SLC44A1: variants seen among roughly 807,000 people sequenced by gnomAD.
SLC44A1 encodes choline transporter-like protein 1.
A neutral mutation model predicts 79.3 loss-of-function variants in SLC44A1; 26 were observed. The observed-to-expected ratio is 0.33, with a 90% confidence interval of 0.24 to 0.46. The LOEUF is 0.46. SLC44A1 is among the 20% of genes least tolerant of loss of function. SLC44A1 has a pLI of 1.00. For synonymous variants in SLC44A1, 263 were observed against 286.2 expected, an observed-to-expected ratio of 0.92 and a Z score of 0.82; for missense variants, 688 against 798.1, an observed-to-expected ratio of 0.86 and a Z score of 1.66.
intron 10 of SLC44A1, 75 bp downstream of exon 10, chr9:105,364,795 C>A: frequency 9.0e-7 from 1 of 1,115,786 alleles, no homozygotes; most frequent in South Asian, 1.5e-5. Context: ...GGAAGGGAAT[C>A]AGACTGGGGC....
chr9:105,250,129 G>T (rs1165009628), intron 1 of SLC44A1, among the ~76,000 whole-genome samples: 1 of 151,958 alleles, frequency 6.6e-6, no homozygotes, highest in Non-Finnish European at 1.5e-5. Context: ...TCCTGCCTTG[G>T]CCTCCCAAAG....
intron 15 of SLC44A1, chr9:105,386,849 C>T (rs1828638328): frequency 7.4e-6 from 1 of 134,360 alleles, no homozygotes; most frequent in Admixed American, 8.1e-5. Flanking sequence ...ACGGTGAAAC[C>T]CTGTCTCTAC....
At chr9:105,266,205 G>A (rs544997030) in intron 1 of SLC44A1, among the ~76,000 whole-genome samples, 1 of 152,068 alleles carries the variant, frequency 6.6e-6, no homozygotes, top group South Asian at 2.1e-4. Context: ...GGCCTCAACC[G>A]ATCCTCCTTT....
chr9:105,371,587 C>A (rs1024560746), intron 12 of SLC44A1, among the ~76,000 whole-genome samples: 1 of 151,750 alleles, frequency 6.6e-6, no homozygotes, highest in African/African-American at 2.4e-5. Flanking sequence ...AAAAATTAGC[C>A]GGGTGCCTGT....
intron 6 of SLC44A1, among the ~76,000 whole-genome samples, chr9:105,356,746 C>G (rs1827635456): frequency 6.6e-6 from 1 of 152,064 alleles, no homozygotes; most frequent in Non-Finnish European, 1.5e-5. Context: ...GCGACATATT[C>G]TCTTATATAT....
chr9:105,261,270 G>A (rs1184214596), intron 1 of SLC44A1, among the ~76,000 whole-genome samples: 2 of 152,158 alleles, frequency 1.3e-5, no homozygotes, highest in African/African-American at 2.4e-5. Context: ...AGCACTGGAC[G>A]ATAGATTTAT....
Position 105,394,820 on chromosome 9 carries a change from C to T in SLC44A1, c.*5764C>T, listed in dbSNP as rs1398041944. ...AGATGTTTTTTCTTCCTGCATAAAT[C>T]ACGGAGGTGTGTTCTGTTTTAGTGT... On this transcript the variant is annotated 3_prime_UTR_variant, in exon 16 of 16. Transcript: ENST00000374720. The T allele has an allele frequency of 1.0e-6, 1 of 985,260 alleles. No homozygotes were observed. Among genetic ancestry groups the T allele is most frequent in the Non-Finnish European group, 1.2e-6 (1 of 829,924 alleles). 61.0% of individuals were successfully genotyped at this position (985,260 alleles called of 1,614,324 possible). A position where few individuals can be genotyped will look rare whatever the true frequency, so the allele number is the denominator to read the frequency against.
chr9:105,336,118 A>ATGTGTG (rs935027366), intron 4 of SLC44A1, among the ~76,000 whole-genome samples: 1 of 147,438 alleles, frequency 6.8e-6, no homozygotes, highest in Non-Finnish European at 1.5e-5. Flanking sequence ...ATACATACAT[A>ATGTGTG]TGTGTGTGTG....
Position 105,358,517 on chromosome 9 carries a change from A to G in SLC44A1, c.760+84A>G, listed in dbSNP as rs964465314. ...AGAAATATAAAGAAGAAAATAAATT[A>G]TATTTTCACAAGCTATATCCTCAAG... On this transcript the variant is annotated intron_variant, in intron 7 of 15. Transcript: ENST00000374720. The G allele has an allele frequency of 8.8e-6, 7 of 791,042 alleles. No homozygotes were observed. The African/African-American group carries it at 1.1e-4, about 12-fold the overall frequency. The allele number at this position is 791,042 out of a possible 1,614,324, so 49.0% of individuals were successfully genotyped here. A position where few individuals can be genotyped will look rare whatever the true frequency, so the allele number is the denominator to read the frequency against.
intron 12 of SLC44A1, among the ~76,000 whole-genome samples, chr9:105,373,762 A>C (rs73512081): frequency 1.3e-5 from 2 of 152,192 alleles, no homozygotes; most frequent in African/African-American, 4.8e-5. Context: ...TCTTCTCATT[A>C]TGTTAGCGAA....
In SLC44A1 at chr9:105,389,339, G is replaced by A; in HGVS notation, c.*283G>A. On this transcript the variant is annotated 3_prime_UTR_variant, in exon 16 of 16. Coordinates refer to ENST00000374720, the MANE Select transcript of SLC44A1 (RefSeq NM_080546.5). ...GTTTTCAACTGTAATTGTCTTAATGGAAATGTTAAAATTCATATCTGATTA... is the reference window on the plus strand; with the variant it reads ...GTTTTCAACTGTAATTGTCTTAATGAAAATGTTAAAATTCATATCTGATTA... 8.8e-7 allele frequency: 1 copy of A among 1,138,294 alleles called. No homozygotes were observed. The highest frequency in any genetic ancestry group is 1.1e-6 in the Non-Finnish European group (1 of 928,942). 70.5% of individuals were successfully genotyped at this position (1,138,294 alleles called of 1,614,324 possible).
rs556502972 is a variant in SLC44A1 at position 105,354,039 on chromosome 9, C to CTTTTTTTTTTTTT, written c.501-2156_501-2144dup. Among the ~76,000 whole-genome samples, 68 of 98,486 alleles carry CTTTTTTTTTTTTT rather than the reference C, an allele frequency of 6.9e-4. 3 individuals carry two copies. The highest frequency in any genetic ancestry group is 3.2e-3 in the African/African-American group (64 of 19,766). The allele number at this position is 98,486 out of a possible 152,430, so 64.6% of individuals were successfully genotyped here. On this transcript the variant is annotated intron_variant, in intron 5 of 15. Coordinates refer to ENST00000374720, the MANE Select transcript of SLC44A1 (RefSeq NM_080546.5). ...TTGACTTAGAAATTTACAGTTAATCCTTTTTTTTTTTTTTTTTTTTTTTTT... is the reference window on the plus strand; with the variant it reads ...TTGACTTAGAAATTTACAGTTAATCCTTTTTTTTTTTTTTTTTTTTTTTTTTTTTTTTTTTTTT...
At position 105,390,027 on chromosome 9, in the gene SLC44A1, A is replaced by T; in HGVS notation, c.*971A>T. 2 of 1,359,198 alleles carry T rather than the reference A, an allele frequency of 1.5e-6. No homozygotes were observed. The highest frequency in any genetic ancestry group is 3.6e-5 in the Admixed American group (1 of 28,058). 84.2% of individuals were successfully genotyped at this position (1,359,198 alleles called of 1,614,324 possible). On this transcript the variant is annotated 3_prime_UTR_variant, in exon 16 of 16. Transcript: ENST00000374720. ...TGGCTTAGGGTTAAACGGCCATTTT[A>T]TTCAAATGCTTGCTATACAATCTGA...
At chr9:105,320,426 GTTTAAC>G (rs919599882) in intron 3 of SLC44A1, among the ~76,000 whole-genome samples, 3 of 151,132 alleles carry the variant, frequency 2.0e-5, no homozygotes, top group Admixed American at 6.6e-5. Context: ...TGGTGAGGAT[GTTTAAC>G]TTTATAAGAA....
intron 1 of SLC44A1, among the ~76,000 whole-genome samples, chr9:105,287,024 G>A (rs900405504): frequency 6.6e-6 from 1 of 152,132 alleles, no homozygotes; most frequent in African/African-American, 2.4e-5. Context: ...CCAGAGACAA[G>A]GAAGGTAAAT....
At chr9:105,305,819 A>T (rs960086600) in intron 2 of SLC44A1, among the ~76,000 whole-genome samples, 1 of 145,902 alleles carries the variant, frequency 6.9e-6, no homozygotes, top group Non-Finnish European at 1.5e-5. Flanking sequence ...AAATTCAAAC[A>T]TGCTTGTGAA....
At position 105,389,169 on chromosome 9, in the gene SLC44A1, G is replaced by T; in HGVS notation, c.*113G>T. The T allele has an allele frequency of 6.9e-7, 1 of 1,456,352 alleles. No homozygotes were observed. The highest frequency in any genetic ancestry group is 2.4e-5 in the East Asian group (1 of 42,516). 90.2% of individuals were successfully genotyped at this position (1,456,352 alleles called of 1,614,324 possible). On this transcript the variant is annotated 3_prime_UTR_variant, in exon 16 of 16. Coordinates refer to ENST00000374720, the MANE Select transcript of SLC44A1 (RefSeq NM_080546.5). ...TATGTATATGTATGTGTGTATATAT[G>T]TATATGTATATACACACACACACAT...
intron 15 of SLC44A1, among the ~76,000 whole-genome samples, chr9:105,402,576 G>GAAAATATTTATCTGTGCCAGCAA (rs1434284443): frequency 1.3e-5 from 2 of 152,160 alleles, no homozygotes; most frequent in East Asian, 1.9e-4. Flanking sequence ...TAGAGGTCCT[G>GAAAATATTTATCTGTGCCAGCAA]AAAATATTTA....
chr9:105,248,296 G>T (rs537333136), intron 1 of SLC44A1, among the ~76,000 whole-genome samples: 1 of 152,264 alleles, frequency 6.6e-6, no homozygotes, highest in East Asian at 1.9e-4. Flanking sequence ...TCATAAAAGA[G>T]TTTGTGGTCT....
Sources: gnomAD v4.1 joint callset for allele counts (sites outside exome capture counted in the v4.1 genomes callset) on GRCh38, gnomAD v4.1.1 for gene constraint, MANE v1.5 for transcripts, NCBI Gene and HGNC (gene_info 2026-07-23, HGNC 2026-07-21) for gene names.